ADAM32: variants seen among roughly 807,000 people sequenced by gnomAD.
ADAM32 encodes the protein ADAM metallopeptidase domain 32.
In ADAM32, 89 loss-of-function variants were observed where a neutral mutation model predicts 114.9. The ratio of observed to expected loss-of-function variants is 0.77; its 90% CI spans 0.65 to 0.92. The LOEUF is 0.92. Ranked by LOEUF, ADAM32 falls within the 40% of genes least tolerant of loss-of-function variation. The probability of loss-of-function intolerance (pLI) is 0.00; values close to 1 mark genes in which losing one functional copy is unlikely to be tolerated. For missense variants in ADAM32, 870 were observed against 932.8 expected (o/e 0.93, Z 0.88); for synonymous variants, 285 against 307.5 (o/e 0.93, Z 0.77).
At chr8:39,283,771 C>CTTTTTTTTTTTTTTTTTTTTTTTTCT (rs373085019) in intron 24 of ADAM32, 147 bp downstream of exon 24, 1 of 234,802 alleles carries the variant, frequency 4.3e-6, no homozygotes, top group Non-Finnish European at 7.5e-6. Context: ...TTCTTTTATT[C>CTTTTTTTTTTTTTTTTTTTTTTTTCT]TTTTTTTTTT....
intron 14 of ADAM32, chr8:39,223,669 C>T (rs1809148552): frequency 1.3e-5 from 2 of 151,952 alleles, no homozygotes; most frequent in African/African-American, 4.8e-5. Flanking sequence ...TTGTATCTAT[C>T]CTTTTTGCAG....
At chr8:39,259,044 G>C (rs989341369) in intron 19 of ADAM32, among the ~76,000 whole-genome samples, 4 of 151,850 alleles carry the variant, frequency 2.6e-5, no homozygotes, top group African/African-American at 9.7e-5. Flanking sequence ...CTTATAAACA[G>C]CCTTTATATG....
At chr8:39,242,166 C>T (rs1441728170) in intron 16 of ADAM32, among the ~76,000 whole-genome samples, 3 of 152,202 alleles carry the variant, frequency 2.0e-5, no homozygotes. Context: ...CTGAGACCAC[C>T]TCAGCCTGGA....
chr8:39,124,756 A>G (rs1326664658), intron 2 of ADAM32, among the ~76,000 whole-genome samples: 1 of 152,146 alleles, frequency 6.6e-6, no homozygotes, highest in Non-Finnish European at 1.5e-5. Flanking sequence ...GTTGATGGGC[A>G]TTTGGGTTGC....
intron 7 of ADAM32, among the ~76,000 whole-genome samples, chr8:39,162,778 A>C (rs761354791): frequency 7.9e-5 from 12 of 152,154 alleles, no homozygotes; most frequent in Non-Finnish European, 1.3e-4. Context: ...AGGTGGGTGG[A>C]TCACCTGAGG....
intron 9 of ADAM32, chr8:39,167,154 G>A (rs1257806432): frequency 1.3e-5 from 2 of 152,140 alleles, no homozygotes; most frequent in Non-Finnish European, 2.9e-5. Flanking sequence ...TTATCTTCTA[G>A]AATTTTTATA....
At chr8:39,244,953 G>T (rs1810808116) in intron 16 of ADAM32, among the ~76,000 whole-genome samples, 1 of 152,104 alleles carries the variant, frequency 6.6e-6, no homozygotes, top group South Asian at 2.1e-4. Flanking sequence ...TAGGTAAAGA[G>T]TTCATGAACA....
chr8:39,165,308 A>C (rs1420046157), intron 9 of ADAM32, 112 bp downstream of exon 9: 1 of 867,990 alleles, frequency 1.2e-6, no homozygotes, highest in East Asian at 3.0e-5. Flanking sequence ...TTGATTATTT[A>C]GTATGTGCTT....
At chr8:39,172,804 C>G (rs11784263) in intron 10 of ADAM32, among the ~76,000 whole-genome samples, 37,505 of 152,108 alleles carry the variant, frequency 0.25, 5,006 homozygotes, top group Non-Finnish European at 0.29. Flanking sequence ...AATGAACATA[C>G]AGGTGCATGT....
chr8:39,225,165 A>G (rs1809267820), intron 14 of ADAM32, among the ~76,000 whole-genome samples: 1 of 152,168 alleles, frequency 6.6e-6, no homozygotes, highest in African/African-American at 2.4e-5. Flanking sequence ...AACCCTGTGC[A>G]CACCCCTGAC....
chr8:39,210,365 A>G (rs1343084502), intron 11 of ADAM32, among the ~76,000 whole-genome samples: 1 of 152,186 alleles, frequency 6.6e-6, no homozygotes, highest in Admixed American at 6.5e-5. Flanking sequence ...TCTTGTTGTT[A>G]TGCCAAAACC....
chr8:39,165,453 G>T, intron 9 of ADAM32: 1 of 273,062 alleles, frequency 3.7e-6, no homozygotes, highest in Non-Finnish European at 6.7e-6. Flanking sequence ...AGGACTCTTG[G>T]ATCTGGTGGT....
intron 11 of ADAM32, among the ~76,000 whole-genome samples, chr8:39,205,814 G>C (rs1368637650): frequency 2.6e-5 from 4 of 152,092 alleles, no homozygotes; most frequent in Non-Finnish European, 5.9e-5. Flanking sequence ...TCTGTGCTCT[G>C]TTTTGTCTCA....
Position 39,149,822 on chromosome 8 carries a change from G to C in ADAM32, c.308G>C (p.Gly103Ala), listed in dbSNP as rs201059205. The C allele has an allele frequency of 3.1e-6, 5 of 1,611,572 alleles. No homozygotes were observed. The highest frequency in any genetic ancestry group is 1.6e-4 in the Middle Eastern group (1 of 6,076). ...TGCTACTATCAAGGAAATATTGAAG[G>C]ATATCCAGATTCCATGGTCACACTC... ...TQCYYQGNIE[G>A]YPDSMVTLST... The change falls in exon 5 of 25, where the codon GGA (glycine) becomes GCA (alanine). Residue 103 changes from glycine (G) to alanine (A), a missense_variant. Gly to Ala is a moderately conservative substitution (Grantham distance 60). Coordinates refer to ENST00000379907, the MANE Select transcript of ADAM32 (RefSeq NM_145004.7).
At chr8:39,198,471 G>A (rs1217086774) in intron 11 of ADAM32, among the ~76,000 whole-genome samples, 3 of 151,974 alleles carry the variant, frequency 2.0e-5, no homozygotes, top group African/African-American at 4.8e-5. Context: ...TCTGCCTCCC[G>A]GGTTCAAACG....
chr8:39,144,969 A>G (rs1803410119), intron 3 of ADAM32, among the ~76,000 whole-genome samples: 1 of 152,248 alleles, frequency 6.6e-6, no homozygotes, highest in Admixed American at 6.5e-5. Context: ...AGTTCAGTGA[A>G]GTTGTGGGAT....
At chr8:39,130,010 A>C (rs543812991) in intron 2 of ADAM32, 1 of 317,888 alleles carries the variant, frequency 3.1e-6, no homozygotes, top group South Asian at 2.6e-5. Flanking sequence ...GTTGGAGTGC[A>C]GTGGCACAGT....
intron 7 of ADAM32, 61 bp from the exon 8 acceptor site, chr8:39,164,703 G>T (rs1420529726): frequency 3.8e-6 from 5 of 1,318,086 alleles, no homozygotes; most frequent in Non-Finnish European, 4.2e-6. Flanking sequence ...AGATGGAAAA[G>T]AATCTTAAAA....
At chr8:39,149,750 G>A (rs773862669) in intron 4 of ADAM32, 41 bp from the exon 5 acceptor site, 1 of 1,426,180 alleles carries the variant, frequency 7.0e-7, no homozygotes, top group Non-Finnish European at 9.8e-7. Context: ...AGAAAGTTTT[G>A]TTACTTCCTA....
Sources: gnomAD v4.1 joint callset for allele counts (sites outside exome capture counted in the v4.1 genomes callset) on GRCh38, gnomAD v4.1.1 for gene constraint, MANE v1.5 for transcripts, NCBI Gene and HGNC (gene_info 2026-07-23, HGNC 2026-07-21) for gene names.